The following CGAS variants were observed in gnomAD, a reference collection of about 807,000 sequenced individuals.
CGAS encodes 2'3'-cGAMP synthase.
Under a neutral mutation model 34.0 loss-of-function variants are expected in CGAS, and 31 were observed. That is an observed-to-expected ratio of 0.91 (90% CI 0.69 to 1.23). The LOEUF (loss-of-function observed/expected upper bound fraction) is 1.23. CGAS is among the 50% of genes most tolerant of loss of function. CGAS has a pLI of 0.00. For missense variants in CGAS, 597 were observed against 657.6 expected, an observed-to-expected ratio of 0.91 and a Z score of 1.01; for synonymous variants, 266 against 260.0, an observed-to-expected ratio of 1.02 and a Z score of -0.22.
At chr6:73,431,297 C>G (rs1770192822) in intron 3 of CGAS, among the ~76,000 whole-genome samples, 1 of 151,812 alleles carries the variant, frequency 6.6e-6, no homozygotes, top group Non-Finnish European at 1.5e-5. Flanking sequence ...TGGTGAAACC[C>G]CATTTCTACT....
chr6:73,442,461 C>T (rs553284520), intron 2 of CGAS, among the ~76,000 whole-genome samples: 2 of 151,130 alleles, frequency 1.3e-5, no homozygotes, highest in African/African-American at 2.4e-5. Context: ...AGTGCAGTAG[C>T]GTGAACATGG....
At chr6:73,425,610 T>C (rs1326848740) in intron 4 of CGAS, 32 bp from the exon 5 acceptor site, 2 of 1,402,952 alleles carry the variant, frequency 1.4e-6, no homozygotes, top group Non-Finnish European at 2.0e-6. Context: ...CACTTATTTT[T>C]ACTTATTTAC....
rs1379944814 is a variant in CGAS at position 73,443,241 on chromosome 6, T to TC, written c.877+2286_877+2287insG. Among the ~76,000 whole-genome samples the TC allele has an allele frequency of 4.8e-5, 7 of 146,810 alleles. No homozygotes were observed. In the South Asian group the frequency reaches 9.0e-4, roughly 19 times the overall value. ...ATTCTCTTCTTCCCAAACTCTTTTTTTTTTTTTTTTTTTTCTGAGACAGGG... is the reference window on the plus strand; with the variant it reads ...ATTCTCTTCTTCCCAAACTCTTTTTTCTTTTTTTTTTTTTTCTGAGACAGGG... On this transcript the variant is annotated intron_variant, in intron 2 of 4. Transcript: ENST00000370315.
chr6:73,430,406 G>A lies in CGAS; in HGVS notation c.1115-1595C>T, dbSNP rs375243431. 1.1e-4 allele frequency among the ~76,000 whole-genome samples: 16 copies of A among 152,116 alleles called. No individual in the cohort carries two copies. In the East Asian group the frequency reaches 2.5e-3, roughly 24 times the overall value. ...AGCACTTCAGGAGGCCGAGACAGGA[G>A]ACCAGCCTGGCCAACATGGTGAAAC... On this transcript the variant is annotated intron_variant, in intron 3 of 4. Transcript: ENST00000370315.
intron 2 of CGAS, 116 bp downstream of exon 2, chr6:73,445,412 C>T: frequency 3.4e-6 from 2 of 586,148 alleles, no homozygotes; most frequent in East Asian, 6.2e-5. Context: ...GTTTCTTGAC[C>T]TCTCTACTGC....
chr6:73,438,690 G>A (rs754247857), intron 3 of CGAS, among the ~76,000 whole-genome samples: 4 of 87,246 alleles, frequency 4.6e-5, no homozygotes, highest in South Asian at 1.1e-3. Flanking sequence ...GCAAGAATCC[G>A]TCTCAAAAAA....
chr6:73,449,091 A>G (rs1261826057), intron 1 of CGAS, among the ~76,000 whole-genome samples: 4 of 151,810 alleles, frequency 2.6e-5, no homozygotes, highest in East Asian at 1.9e-4. Flanking sequence ...TCCATCCCCA[A>G]AAAAAAAGAA....
chr6:73,429,187 T>TA (rs1770140849), intron 3 of CGAS, among the ~76,000 whole-genome samples: 1 of 115,200 alleles, frequency 8.7e-6, no homozygotes, highest in South Asian at 2.5e-4. Context: ...CAAAACTCCA[T>TA]CAAAAAAAAA....
intron 3 of CGAS, among the ~76,000 whole-genome samples, chr6:73,436,308 A>T (rs1390878928): frequency 6.6e-6 from 1 of 151,348 alleles, no homozygotes; most frequent in African/African-American, 2.4e-5. Flanking sequence ...TCTATACTTT[A>T]TCCAGATTTC....
rs766870356 is a variant in CGAS, at chr6:73,428,666, C to T, written c.1217+43G>A. ...GGTGTGGAGTCAACAAATAATTAAG[C>T]ATACCATAGATAATCTGTCATTTAA... On this transcript the variant is annotated intron_variant, in intron 4 of 4. Transcript: ENST00000370315. 3.2e-6 allele frequency: 5 copies of T among 1,562,390 alleles called. No homozygotes were observed. In the South Asian group the frequency reaches 5.7e-5, roughly 18 times the overall value.
chr6:73,434,656 A>AT (rs1049339107), intron 3 of CGAS, among the ~76,000 whole-genome samples: 26 of 148,138 alleles, frequency 1.8e-4, no homozygotes, highest in South Asian at 2.1e-4. Flanking sequence ...AAAGTATATA[A>AT]TTTTTTTTTT....
chr6:73,452,156 A>G lies in CGAS; in HGVS notation c.26T>C (p.Met9Thr), dbSNP rs1167718559. MQPWHGKA[M>T]QRASEAGATA... ...GGCTCCGGCCTCGGAAGCTCTCTGC[A>G]TGGCCTTTCCGTGCCAAGGCTGCAT... Residue 9 changes from methionine to threonine, a missense_variant, in exon 1 of 5, where the codon ATG becomes ACG. Physicochemically the swap from Met to Thr is moderately conservative, Grantham distance 81. Transcript: ENST00000370315. 7 of 1,608,304 alleles carry G rather than the reference A, an allele frequency of 4.4e-6. No homozygotes were observed. The highest frequency in any genetic ancestry group is 5.1e-6 in the Non-Finnish European group (6 of 1,178,004).
In CGAS at chr6:73,451,701, C is replaced by A; in HGVS notation, c.481G>T (p.Gly161Trp). ...AAAACCGCCCGGAGCTTCGAGGCCC[C>A]AGGCGCCGCATCCCTCCGTACGAGA... is the stretch of plus-strand genomic sequence containing the variant. ...PILVRRDAAP[G>W]ASKLRAVLEK... The change falls in exon 1 of 5, where the codon GGG becomes TGG. Residue 161 changes from glycine to tryptophan, a missense_variant. By Grantham distance (184) the Gly-to-Trp change is radical. This residue lies in a region of CGAS where 321 missense variants were observed against 314.3 expected (regional missense o/e 1.02). Transcript: ENST00000370315. 1 of 1,613,756 alleles carries A rather than the reference C, an allele frequency of 6.2e-7. No homozygotes were observed. The highest frequency in any genetic ancestry group is 8.5e-7 in the Non-Finnish European group (1 of 1,179,998).
intron 3 of CGAS, among the ~76,000 whole-genome samples, chr6:73,430,211 T>C (rs1274630606): frequency 6.6e-6 from 1 of 152,074 alleles, no homozygotes; most frequent in Non-Finnish European, 1.5e-5. Context: ...TCTATTTCTG[T>C]TCAACATGCA....
intron 3 of CGAS, among the ~76,000 whole-genome samples, chr6:73,434,087 A>G (rs1446433737): frequency 6.6e-6 from 1 of 152,238 alleles, no homozygotes; most frequent in Non-Finnish European, 1.5e-5. Context: ...ATAAAGCTAC[A>G]TTATGTACAA....
rs777536339 is a variant in CGAS, at chr6:73,445,592, T to C, written c.813A>G (p.Leu271=). The C allele has an allele frequency of 3.1e-6, 5 of 1,611,392 alleles. No individual in the cohort carries two copies. Among genetic ancestry groups the C allele is most frequent in the South Asian group, 1.1e-5 (1 of 90,262 alleles). ...PLSQFLEGEI[L]SASKMLSKFR... is the part of the protein sequence containing the mutation. ...ACTTTGACAGCATCTTAGAAGCTGA[T>C]AATATTTCACCTTCTAAAAACTGAC... Residue 271 remains leucine (L), a synonymous_variant, in exon 2 of 5, where the codon TTA becomes TTG. Coordinates refer to ENST00000370315, the MANE Select transcript of CGAS (RefSeq NM_138441.3).
At chr6:73,428,669 A>G (rs755713942) in intron 4 of CGAS, 40 bp downstream of exon 4, 5 of 1,572,950 alleles carry the variant, frequency 3.2e-6, no homozygotes, top group South Asian at 2.3e-5. Context: ...AATTAAGCAT[A>G]CCATAGATAA....
At chr6:73,449,858 G>T (rs1481602584) in intron 1 of CGAS, among the ~76,000 whole-genome samples, 1 of 151,770 alleles carries the variant, frequency 6.6e-6, no homozygotes, top group South Asian at 2.1e-4. Context: ...AGCCGGGAGT[G>T]GGGGCAGGCA....
chr6:73,438,296 G>C (rs949923669), intron 3 of CGAS, among the ~76,000 whole-genome samples: 1 of 152,068 alleles, frequency 6.6e-6, no homozygotes, highest in Non-Finnish European at 1.5e-5. Context: ...ACATAATCTG[G>C]AATGATGGCA....
Sources: allele counts gnomAD v4.1 joint callset (sites outside exome capture counted in the v4.1 genomes callset), GRCh38; gene constraint gnomAD v4.1.1; regional missense constraint gnomAD v4.1.1; transcripts MANE v1.5; gene names NCBI Gene and HGNC (gene_info 2026-07-23, HGNC 2026-07-21).